The following ABCB11 variants were observed in gnomAD, a reference collection of about 807,000 sequenced individuals.
ABCB11 encodes the protein ATP binding cassette subfamily B member 11.
ABCB11 carries 95 observed loss-of-function variants against 148.0 expected under a neutral mutation model. That is an observed-to-expected ratio of 0.64 (90% CI 0.54 to 0.76). The LOEUF is 0.76. Among genes scored for constraint, ABCB11 ranks in the 30% least tolerant of loss-of-function variants. The pLI, the probability that ABCB11 is intolerant of heterozygous loss-of-function variation, is 0.00. For missense variants in ABCB11, 1,523 were observed against 1,617.8 expected (o/e 0.94, Z 1.01); for synonymous variants, 591 against 555.4 (o/e 1.06, Z -0.90).
At chr2:168,917,214 A>G (rs891584416), downstream of ABCB11, among the ~76,000 whole-genome samples, 11 of 152,092 alleles carry the variant, frequency 7.2e-5, no homozygotes, top group African/African-American at 2.4e-4. Context: ...AAAAAACTAG[A>G]GGCCAATTTT....
downstream of ABCB11, among the ~76,000 whole-genome samples, chr2:168,918,805 G>T (rs982058862): frequency 1.3e-5 from 2 of 152,086 alleles, no homozygotes; most frequent in African/African-American, 2.4e-5. Context: ...GGGATCTCTG[G>T]TGAATCTATT....
rs1415279736 is a variant in ABCB11, at chr2:169,026,242, TTTTC to T, written c.-28+4979_-28+4982del. 1.2e-4 allele frequency among the ~76,000 whole-genome samples: 19 copies of T among 152,126 alleles called. 1 individual carries two copies. Among genetic ancestry groups the T allele is most frequent in the Admixed American group, 7.2e-4 (11 of 15,284 alleles). On this transcript the variant is annotated intron_variant, in intron 1 of 27. Coordinates refer to ENST00000650372, the MANE Select transcript of ABCB11 (RefSeq NM_003742.4). ...ATGGAACAGGGTGTTCTTTTGTTTGTTTTCTTTGTTTGTTTTCTTTCTCAGCATC... is the reference window on the plus strand; with the variant it reads ...ATGGAACAGGGTGTTCTTTTGTTTGTTTTGTTTGTTTTCTTTCTCAGCATC...
At chr2:168,934,998 C>G (rs1290746513) in intron 23 of ABCB11, among the ~76,000 whole-genome samples, 186 bp downstream of exon 23, 9 of 152,226 alleles carry the variant, frequency 5.9e-5, no homozygotes, top group Non-Finnish European at 1.2e-4. Flanking sequence ...AGAAGCCTGA[C>G]TGAGTCAGCC....
chr2:168,915,999 A>G (rs1241213008), downstream of ABCB11, among the ~76,000 whole-genome samples: 1 of 152,176 alleles, frequency 6.6e-6, no homozygotes, highest in African/African-American at 2.4e-5. Flanking sequence ...CTGCCAAACT[A>G]TTTTGCAGTA....
At chr2:168,932,558 A>C in intron 23 of ABCB11, 25 bp from the exon 24 acceptor site, 2 of 1,611,250 alleles carry the variant, frequency 1.2e-6, no homozygotes, top group Non-Finnish European at 1.7e-6. Context: ...ACACACAGGA[A>C]GAGAGCAGGG....
intron 2 of ABCB11, 45 bp downstream of exon 2, chr2:169,018,005 C>T: frequency 1.3e-6 from 2 of 1,533,378 alleles, no homozygotes; most frequent in South Asian, 1.1e-5. Flanking sequence ...CTTTTGTTCT[C>T]ACCTCTCCTT....
At chr2:168,944,269 T>C (rs954749467) in intron 21 of ABCB11, among the ~76,000 whole-genome samples, 15 of 121,242 alleles carry the variant, frequency 1.2e-4, no homozygotes, top group African/African-American at 4.0e-4. Context: ...CCTTGCCCTG[T>C]TCACCCACCC....
chr2:168,971,184 CTAA>C (rs1018805144), intron 14 of ABCB11, among the ~76,000 whole-genome samples: 1 of 151,966 alleles, frequency 6.6e-6, no homozygotes, highest in African/African-American at 2.4e-5. Flanking sequence ...TTAGATGGAG[CTAA>C]TAATATTAGT....
Position 169,011,489 on chromosome 2 carries a change from A to G in ABCB11, c.389+1783T>C, listed in dbSNP as rs527355627. 7.9e-5 allele frequency among the ~76,000 whole-genome samples: 12 copies of G among 152,324 alleles called. No homozygotes were observed. In the South Asian group the frequency reaches 1.2e-3, roughly 16 times the overall value. On this transcript the variant is annotated intron_variant, in intron 5 of 27. Transcript: ENST00000650372. ...AAACTTCCAATTTTAGAAAAGAAAC[A>G]TACATATTTAGACATTAGGGAACTT...
intron 19 of ABCB11, among the ~76,000 whole-genome samples, chr2:168,948,971 G>T (rs761383746): frequency 6.6e-6 from 1 of 151,554 alleles, no homozygotes; most frequent in African/African-American, 2.4e-5. Flanking sequence ...AAATGGAGTA[G>T]GGAACTAAAA....
chr2:168,991,401 T>C (rs1055135670), intron 8 of ABCB11, among the ~76,000 whole-genome samples: 1 of 152,042 alleles, frequency 6.6e-6, no homozygotes, highest in Non-Finnish European at 1.5e-5. Context: ...GAAAAGAAAG[T>C]CCATTTTCAC....
At chr2:168,974,573 A>G (rs776688050) in intron 12 of ABCB11, among the ~76,000 whole-genome samples, 1 of 151,978 alleles carries the variant, frequency 6.6e-6, no homozygotes, top group Non-Finnish European at 1.5e-5. Context: ...ACTGGCCTGT[A>G]TTGGACTGTA....
chr2:169,019,610 T>C (rs978174400), intron 1 of ABCB11, among the ~76,000 whole-genome samples: 19 of 152,194 alleles, frequency 1.2e-4, no homozygotes, highest in Non-Finnish European at 2.2e-4. Context: ...TCATCTGAGA[T>C]TGGTTGAAAA....
intron 1 of ABCB11, among the ~76,000 whole-genome samples, chr2:169,019,936 C>A (rs940643427): frequency 4.6e-5 from 7 of 152,276 alleles, no homozygotes; most frequent in Admixed American, 1.3e-4. Flanking sequence ...CTGCATAAAA[C>A]AACAACTAGA....
At position 169,014,374 on chromosome 2, in the gene ABCB11, G is replaced by A; in HGVS notation, c.99-20C>T. The A allele has an allele frequency of 6.2e-7, 1 of 1,609,718 alleles. No homozygotes were observed. Among genetic ancestry groups the A allele is most frequent in the Non-Finnish European group, 8.5e-7 (1 of 1,176,830 alleles). On this transcript the variant is annotated intron_variant, in intron 3 of 27. Coordinates refer to ENST00000650372, the MANE Select transcript of ABCB11 (RefSeq NM_003742.4). ...TGTAACCTGATGAGAAAAACATAAG[G>A]ATTTAAAGACCACCCTTTCCAATAC...
intron 17 of ABCB11, among the ~76,000 whole-genome samples, chr2:168,967,145 G>T (rs1285216755): frequency 6.6e-6 from 1 of 151,892 alleles, no homozygotes; most frequent in East Asian, 1.9e-4. Flanking sequence ...ATATTTTCAG[G>T]TTGTGATTCT....
chr2:169,030,335 G>A (rs1485881351), intron 1 of ABCB11, among the ~76,000 whole-genome samples: 2 of 152,104 alleles, frequency 1.3e-5, no homozygotes, highest in Admixed American at 6.5e-5. Context: ...CAGTGTTACA[G>A]AGCACAGCAG....
chr2:168,922,815 T>C lies in ABCB11; in HGVS notation c.*807A>G, dbSNP rs1691130129. 6.6e-6 allele frequency: 1 copy of C among 152,202 alleles called. No individual in the cohort carries two copies. The highest frequency in any genetic ancestry group is 1.5e-5 in the Non-Finnish European group (1 of 68,042). The allele number at this position is 152,202 out of a possible 1,614,324, so 9.4% of individuals were successfully genotyped here. ...AGCAAAGTAAAATGCGCTATTTTCA[T>C]TTCATGAATATAATTTCACAGAAAC... On this transcript the variant is annotated 3_prime_UTR_variant, in exon 28 of 28. Coordinates refer to ENST00000650372, the MANE Select transcript of ABCB11 (RefSeq NM_003742.4).
At position 168,973,755 on chromosome 2, in the gene ABCB11, A is replaced by C. The variant is rs763612943; in HGVS notation, c.1394T>G (p.Leu465Arg). Reference sequence around the variant, plus strand: ...GTCATAGAATCGCTGAATGAGTTGCAGTGCTGTACTTTTTCCAGCTCCACT... The same window carrying C: ...GTCATAGAATCGCTGAATGAGTTGCCGTGCTGTACTTTTTCCAGCTCCACT... Reference protein sequence around the residue: ...GPSGAGKSTALQLIQRFYDPC... With the variant: ...GPSGAGKSTARQLIQRFYDPC... The change falls in exon 13 of 28, where the codon CTG (leucine) becomes CGG (arginine). Residue 465 changes from leucine (L) to arginine (R), a missense_variant. By Grantham distance (102) the Leu-to-Arg change is moderately radical. Coordinates refer to ENST00000650372, the MANE Select transcript of ABCB11 (RefSeq NM_003742.4). 1 of 1,612,298 alleles carries C rather than the reference A, an allele frequency of 6.2e-7. No individual in the cohort carries two copies. Among genetic ancestry groups the C allele is most frequent in the Admixed American group, 1.7e-5 (1 of 59,906 alleles).
Sources: gnomAD v4.1 joint callset for allele counts (sites outside exome capture counted in the v4.1 genomes callset) on GRCh38, gnomAD v4.1.1 for gene constraint, MANE v1.5 for transcripts, NCBI Gene and HGNC (gene_info 2026-07-23, HGNC 2026-07-21) for gene names.